MS4A15: variants seen among roughly 807,000 people sequenced by gnomAD.
MS4A15 encodes membrane spanning 4-domains A15, also known as membrane-spanning 4-domains subfamily A member 15.
Under a neutral mutation model 20.6 loss-of-function variants are expected in MS4A15, and 22 were observed. The observed-to-expected ratio is 1.07, with a 90% CI of 0.76 to 1.52. MS4A15 has a LOEUF of 1.52. Among genes scored for constraint, MS4A15 ranks in the 40% most tolerant of loss-of-function variants. The pLI, the probability that MS4A15 is intolerant of heterozygous loss-of-function variation, is 0.00. For synonymous variants in MS4A15, 129 were observed against 129.3 expected (o/e 1.00, Z 0.02); for missense variants, 312 against 323.0 (o/e 0.97, Z 0.26).
chr11:60,758,242 G>A (rs1393715544), intron 1 of MS4A15, among the ~76,000 whole-genome samples: 3 of 145,844 alleles, frequency 2.1e-5, no homozygotes, highest in Non-Finnish European at 4.5e-5. Context: ...AATGCTCACA[G>A]CTAGCAATAC....
rs771549901 is a variant in MS4A15, at chr11:60,773,899, G to A, written c.561G>A (p.Ala187=). ...TCACTGTCCTGGAGTTCTTCACAGC[G>A]GTCATTGCCATGCACTTCGGGTGCC... ...TIFTVLEFFT[A]VIAMHFGCQA... is the part of the protein sequence containing the mutation. Residue 187 remains alanine (A), a synonymous_variant, in exon 6 of 7, where the codon GCG becomes GCA. Transcript: ENST00000405633. 1.4e-5 allele frequency: 23 copies of A among 1,614,006 alleles called. No individual in the cohort carries two copies. Among genetic ancestry groups the A allele is most frequent in the African/African-American group, 1.2e-4 (9 of 74,920 alleles).
intron 1 of MS4A15, among the ~76,000 whole-genome samples, chr11:60,758,926 A>T (rs974668418): frequency 6.6e-6 from 1 of 152,272 alleles, no homozygotes; most frequent in African/African-American, 2.4e-5. Context: ...CAACAGGCAG[A>T]GTTAGGTGCC....
At chr11:60,763,053 A>G (rs1031001164) in intron 1 of MS4A15, among the ~76,000 whole-genome samples, 20 of 152,168 alleles carry the variant, frequency 1.3e-4, no homozygotes, top group African/African-American at 4.6e-4. Context: ...GGACTCTCTC[A>G]GAAGAGCTCC....
intron 3 of MS4A15, among the ~76,000 whole-genome samples, chr11:60,768,208 G>A (rs1433470053): frequency 4.6e-5 from 7 of 152,020 alleles, no homozygotes; most frequent in Non-Finnish European, 8.8e-5. Context: ...GAAAAAAAAA[G>A]GGATGGAGGG....
chr11:60,772,209 G>A (rs1854062801), intron 4 of MS4A15, among the ~76,000 whole-genome samples: 1 of 152,206 alleles, frequency 6.6e-6, no homozygotes, highest in Admixed American at 6.5e-5. Flanking sequence ...CAGAGTGCTG[G>A]ACCATCACAG....
intron 2 of MS4A15, among the ~76,000 whole-genome samples, chr11:60,766,110 G>A (rs145677019): frequency 6.6e-6 from 1 of 152,310 alleles, no homozygotes; most frequent in African/African-American, 2.4e-5. Flanking sequence ...GCCAGGCGCA[G>A]TGGCCCACGC....
At chr11:60,770,856 C>G (rs1177325743) in intron 3 of MS4A15, among the ~76,000 whole-genome samples, 2 of 151,806 alleles carry the variant, frequency 1.3e-5, no homozygotes, top group African/African-American at 2.4e-5. Context: ...CAGGTGCACG[C>G]CACTCTGCCC....
intron 1 of MS4A15, among the ~76,000 whole-genome samples, chr11:60,760,387 G>A (rs1853707863): frequency 6.6e-6 from 1 of 152,072 alleles, no homozygotes; most frequent in African/African-American, 2.4e-5. Flanking sequence ...TTAGGACTTG[G>A]TGCCAACCCA....
At chr11:60,774,013 G>T in intron 6 of MS4A15, 63 bp downstream of exon 6, 2 of 1,369,578 alleles carry the variant, frequency 1.5e-6, no homozygotes, top group African/African-American at 2.9e-5. Flanking sequence ...GTGGAAGGCA[G>T]TTGGCTGGGA....
chr11:60,760,561 A>G (rs1853713583), intron 1 of MS4A15, among the ~76,000 whole-genome samples: 1 of 152,172 alleles, frequency 6.6e-6, no homozygotes, highest in South Asian at 2.1e-4. Flanking sequence ...ATTTGTTTGA[A>G]TCTATTATGA....
chr11:60,767,449 C>A, intron 2 of MS4A15, 84 bp from the exon 3 acceptor site: 1 of 1,390,378 alleles, frequency 7.2e-7, no homozygotes, highest in Non-Finnish European at 9.4e-7. Flanking sequence ...GGGAGGAGGG[C>A]GGGGCCAGCC....
rs756683966 is a variant in MS4A15 at position 60,773,424 on chromosome 11, C to T, written c.438C>T (p.Ser146=). 9 of 1,613,516 alleles carry T rather than the reference C, an allele frequency of 5.6e-6. No homozygotes were observed. The highest frequency in any genetic ancestry group is 4.0e-5 in the African/African-American group (3 of 74,926). ...GCAGCCTGGGCACCAACATCCTCAG[C>T]GTCATGGCGGCCTTTGCTGGGACAG... The part of the protein sequence containing the change: ...VRSSLGTNIL[S]VMAAFAGTAI... Residue 146 remains serine, a synonymous_variant, in exon 5 of 7, where the codon AGC becomes AGT. Transcript: ENST00000405633.
At chr11:60,759,579 T>C (rs375096491) in intron 1 of MS4A15, among the ~76,000 whole-genome samples, 4 of 151,972 alleles carry the variant, frequency 2.6e-5, no homozygotes, top group East Asian at 3.9e-4. Flanking sequence ...CTCTTTGTGG[T>C]TGAGATAAGA....
At chr11:60,759,207 G>T (rs1478063305) in intron 1 of MS4A15, among the ~76,000 whole-genome samples, 1 of 152,232 alleles carries the variant, frequency 6.6e-6, no homozygotes, top group Non-Finnish European at 1.5e-5. Context: ...AAATTGTTAT[G>T]CTTTGAGACG....
In MS4A15 at chr11:60,775,703, A is replaced by G. The variant is rs766071738; in HGVS notation, c.711A>G (p.Gln237=). 18 of 1,613,396 alleles carry G rather than the reference A, an allele frequency of 1.1e-5. No individual in the cohort carries two copies. Among genetic ancestry groups the G allele is most frequent in the East Asian group, 4.5e-5 (2 of 44,862 alleles). Residue 237 remains glutamine (Q), a synonymous_variant, in exon 7 of 7, where the codon CAA becomes CAG. Coordinates refer to ENST00000405633, the MANE Select transcript of MS4A15 (RefSeq NM_001098835.2). ...CCTATGACAATGTGGCATATGCCCAAGGAGTCGTCTGAGTAGCAGATGTGG... is the reference window on the plus strand; with the variant it reads ...CCTATGACAATGTGGCATATGCCCAGGGAGTCGTCTGAGTAGCAGATGTGG... ...PPAYDNVAYA[Q]GVV
At chr11:60,759,062 A>G (rs893905473) in intron 1 of MS4A15, among the ~76,000 whole-genome samples, 8 of 152,238 alleles carry the variant, frequency 5.3e-5, no homozygotes, top group African/African-American at 1.9e-4. Flanking sequence ...ATGAACCCCT[A>G]CTAGCTTTGT....
Position 60,763,823 on chromosome 11 carries a change from C to T in MS4A15, c.90C>T (p.Pro30=). 3.7e-6 allele frequency: 6 copies of T among 1,612,642 alleles called. No individual in the cohort carries two copies. The highest frequency in any genetic ancestry group is 2.2e-5 in the South Asian group (2 of 91,004). ...SGLCPPPAIL[P]TSMCQPPGIM... is the part of the protein sequence containing the mutation. ...TCTGCCCACCTCCGGCCATTCTGCC[C>T]ACATCCATGTGCCAACCTCCAGGGA... Residue 30 remains proline, a synonymous_variant, in exon 2 of 7, where the codon CCC becomes CCT. Transcript: ENST00000405633.
intron 2 of MS4A15, among the ~76,000 whole-genome samples, chr11:60,765,413 GTGATGA>G (rs1274245235): frequency 6.6e-6 from 1 of 151,860 alleles, no homozygotes; most frequent in East Asian, 1.9e-4. Context: ...TTAAGCAATG[GTGATGA>G]TGATGAAGGT....
rs906184793 is a variant in MS4A15, at chr11:60,776,049, G to A, written c.*334G>A. The A allele has an allele frequency of 3.6e-5, 7 of 194,480 alleles. No individual in the cohort carries two copies. Among genetic ancestry groups the A allele is most frequent in the Non-Finnish European group, 5.3e-5 (5 of 94,594 alleles). 12.0% of individuals were successfully genotyped at this position (194,480 alleles called of 1,614,324 possible). A position where few individuals can be genotyped will look rare whatever the true frequency, so the allele number is the denominator to read the frequency against. On this transcript the variant is annotated 3_prime_UTR_variant, in exon 7 of 7. Coordinates refer to ENST00000405633, the MANE Select transcript of MS4A15 (RefSeq NM_001098835.2). Reference sequence around the variant, plus strand: ...CTGGCCTCATTGGAGACTCAGGTTCGAGGCCTGCCCTGACCCTCGGGCCTC... The same window carrying A: ...CTGGCCTCATTGGAGACTCAGGTTCAAGGCCTGCCCTGACCCTCGGGCCTC...
Sources: allele counts gnomAD v4.1 joint callset (sites outside exome capture counted in the v4.1 genomes callset), GRCh38; gene constraint gnomAD v4.1.1; transcripts MANE v1.5; gene names NCBI Gene and HGNC (gene_info 2026-07-23, HGNC 2026-07-21).